PCDHGB7: variants seen among roughly 807,000 people sequenced by gnomAD.
PCDHGB7 encodes protocadherin gamma subfamily B, 7.
A neutral mutation model predicts 61.4 loss-of-function variants in PCDHGB7; 37 were observed. The ratio of observed to expected loss-of-function variants is 0.60; its 90% CI spans 0.46 to 0.79. PCDHGB7 has a LOEUF of 0.79. Among genes scored for constraint, PCDHGB7 ranks in the 30% least tolerant of loss-of-function variants. PCDHGB7 has a pLI of 0.00. For synonymous variants in PCDHGB7, 464 were observed against 503.5 expected, an observed-to-expected ratio of 0.92 and a Z score of 1.05; for missense variants, 1,166 against 1,202.5, an observed-to-expected ratio of 0.97 and a Z score of 0.45.
intron 1 of PCDHGB7, chr5:141,428,863 T>C (rs1160939898): frequency 6.7e-6 from 1 of 149,182 alleles, no homozygotes; most frequent in African/African-American, 2.4e-5. Context: ...CGGGAGACTT[T>C]TTTTTTTTTT....
chr5:141,470,738 C>T lies in PCDHGB7; in HGVS notation c.2416-24069C>T, dbSNP rs117476356. On this transcript the variant is annotated intron_variant, in intron 1 of 3. Transcript: ENST00000398594. ...TTTGAGTCAGGGTCTTGCTCTGTCG[C>T]CCTGGCTGGAGTGCAGTGGACTCAC... Among the ~76,000 whole-genome samples the T allele has an allele frequency of 1.9e-3, 295 of 152,226 alleles. 7 individuals carry two copies. In the East Asian group the frequency reaches 0.046, roughly 24 times the overall value.
At chr5:141,458,100 A>AT (rs2098937418) in intron 1 of PCDHGB7, among the ~76,000 whole-genome samples, 1 of 152,252 alleles carries the variant, frequency 6.6e-6, no homozygotes, top group Non-Finnish European at 1.5e-5. Context: ...GAGTACTTAC[A>AT]GATAGTCTCC....
chr5:141,421,307 T>C, intron 1 of PCDHGB7: 10 of 1,613,674 alleles, frequency 6.2e-6, no homozygotes, highest in Non-Finnish European at 8.5e-6. Context: ...CTGCGGGGGT[T>C]CCGGGCCAGG....
At chr5:141,447,027 T>TG (rs563674341) in intron 1 of PCDHGB7, among the ~76,000 whole-genome samples, 103 of 152,252 alleles carry the variant, frequency 6.8e-4, no homozygotes, top group South Asian at 2.3e-3. Flanking sequence ...TGTTTTGTTT[T>TG]TTTTCTGTGT....
intron 1 of PCDHGB7, among the ~76,000 whole-genome samples, chr5:141,494,177 TG>T (rs2099752471): frequency 6.6e-6 from 1 of 152,176 alleles, no homozygotes; most frequent in Non-Finnish European, 1.5e-5. Flanking sequence ...GGGTGAGAAG[TG>T]TCCCGGGACT....
At chr5:141,433,358 C>CTAT (rs2097585632) in intron 1 of PCDHGB7, 108 of 504,044 alleles carry the variant, frequency 2.1e-4, no homozygotes, top group African/African-American at 2.0e-3. Flanking sequence ...CTACTGTCTG[C>CTAT]CTATCTATCT....
intron 1 of PCDHGB7, among the ~76,000 whole-genome samples, chr5:141,449,264 C>T (rs2098633342): frequency 6.6e-6 from 1 of 152,056 alleles, no homozygotes; most frequent in African/African-American, 2.4e-5. Flanking sequence ...GTACAAAGAA[C>T]TGTATCTCCT....
At chr5:141,427,838 C>T (rs978867590) in intron 1 of PCDHGB7, 4 of 1,546,186 alleles carry the variant, frequency 2.6e-6, no homozygotes, top group Non-Finnish European at 1.8e-6. Flanking sequence ...AGCGTGCCTT[C>T]GACCACGAGC....
chr5:141,492,460 G>T (rs2099740851), intron 1 of PCDHGB7, among the ~76,000 whole-genome samples: 1 of 152,218 alleles, frequency 6.6e-6, no homozygotes, highest in African/African-American at 2.4e-5. Flanking sequence ...GCGCGCCTGA[G>T]GGTCCCAGAT....
At chr5:141,443,055 C>G (rs994152277) in intron 1 of PCDHGB7, among the ~76,000 whole-genome samples, 1 of 152,208 alleles carries the variant, frequency 6.6e-6, no homozygotes, top group Non-Finnish European at 1.5e-5. Flanking sequence ...TATTGTTCCA[C>G]TGAAGAGCGT....
At chr5:141,421,579 T>A (rs753573473) in intron 1 of PCDHGB7, 1 of 1,613,934 alleles carries the variant, frequency 6.2e-7, no homozygotes, top group Non-Finnish European at 8.5e-7. Flanking sequence ...CTTGAAGATT[T>A]ACGGAGTGGA....
At chr5:141,460,987 A>C (rs201722325) in intron 1 of PCDHGB7, among the ~76,000 whole-genome samples, 1 of 92,990 alleles carries the variant, frequency 1.1e-5, no homozygotes, top group South Asian at 3.4e-4. Context: ...GTGTGTGTAT[A>C]TATATATATG....
In PCDHGB7 at chr5:141,511,036, G is replaced by T; in HGVS notation, c.2653G>T (p.Val885Leu). The T allele has an allele frequency of 1.2e-6, 2 of 1,614,200 alleles. No homozygotes were observed. The highest frequency in any genetic ancestry group is 1.7e-6 in the Non-Finnish European group (2 of 1,180,024). Residue 885 changes from valine to leucine, a missense_variant, in exon 4 of 4, where the codon GTG (valine) becomes TTG (leucine). Transcript: ENST00000398594. ...RYGPQFTLQHVPDYRQNVYIP... is the reference protein window; with the variant it reads ...RYGPQFTLQHLPDYRQNVYIP... Reference sequence around the variant, plus strand: ...CGGACCCCAGTTCACCCTGCAGCACGTGCCCGACTACCGCCAGAATGTCTA... The same window carrying T: ...CGGACCCCAGTTCACCCTGCAGCACTTGCCCGACTACCGCCAGAATGTCTA...
chr5:141,437,741 CTTT>C (rs35124340), intron 1 of PCDHGB7, among the ~76,000 whole-genome samples: 1 of 141,708 alleles, frequency 7.1e-6, no homozygotes. Context: ...TTGAGTTCAC[CTTT>C]TTTTTTTTTT....
chr5:141,455,448 C>T (rs1403500578), intron 1 of PCDHGB7, among the ~76,000 whole-genome samples: 1 of 152,112 alleles, frequency 6.6e-6, no homozygotes, highest in African/African-American at 2.4e-5. Context: ...CCATCTACCG[C>T]GGATACCAGC....
At chr5:141,448,782 T>C (rs2098606045) in intron 1 of PCDHGB7, among the ~76,000 whole-genome samples, 1 of 148,758 alleles carries the variant, frequency 6.7e-6, no homozygotes, top group Non-Finnish European at 1.5e-5. Flanking sequence ...GTACTAAAAA[T>C]ACAAAAAAAA....
Position 141,418,035 on chromosome 5 carries a change from T to C in PCDHGB7, c.176T>C (p.Leu59Pro). 6.2e-7 allele frequency: 1 copy of C among 1,614,000 alleles called. No individual in the cohort carries two copies. Among genetic ancestry groups the C allele is most frequent in the Non-Finnish European group, 8.5e-7 (1 of 1,179,864 alleles). ...NLAKDLGLSV[L>P]DVSARELRVS... ...GCTAAGGATCTAGGGCTTAGTGTCC[T>C]GGATGTGTCGGCTCGCGAGCTGCGA... The change falls in exon 1 of 4, where the codon CTG becomes CCG. Residue 59 changes from leucine (L) to proline (P), a missense_variant. Leu to Pro is a moderately conservative substitution (Grantham distance 98, BLOSUM62 -3). Transcript: ENST00000398594.
At chr5:141,438,834 T>A (rs915381229) in intron 1 of PCDHGB7, among the ~76,000 whole-genome samples, 5 of 150,606 alleles carry the variant, frequency 3.3e-5, no homozygotes, top group South Asian at 2.1e-4. Context: ...GCTAATTTTT[T>A]AAAATATTTT....
intron 1 of PCDHGB7, among the ~76,000 whole-genome samples, chr5:141,435,794 C>T (rs993951734): frequency 2.6e-5 from 4 of 151,934 alleles, no homozygotes; most frequent in Admixed American, 6.6e-5. Flanking sequence ...GGAAACATAA[C>T]GTCCCAATTA....
Sources: gnomAD v4.1 joint callset for allele counts (sites outside exome capture counted in the v4.1 genomes callset) on GRCh38, gnomAD v4.1.1 for gene constraint, MANE v1.5 for transcripts, NCBI Gene and HGNC (gene_info 2026-07-23, HGNC 2026-07-21) for gene names.